The following CDH4 variants were observed in gnomAD, a reference collection of about 807,000 sequenced individuals.
CDH4 encodes the protein cadherin-4.
Under a neutral mutation model 86.0 loss-of-function variants are expected in CDH4, and 33 were observed. That is an observed-to-expected ratio of 0.38 (90% confidence interval 0.29 to 0.51). The LOEUF (loss-of-function observed/expected upper bound fraction) is 0.51, where lower values mean the gene tolerates loss of function less well. Ranked by LOEUF, CDH4 falls within the 20% of genes least tolerant of loss-of-function variation. The probability of loss-of-function intolerance (pLI) is 0.86; values close to 1 mark genes in which losing one functional copy is unlikely to be tolerated. For missense variants in CDH4, 1,114 were observed against 1,307.4 expected (o/e 0.85, Z 2.28); for synonymous variants, 555 against 549.4 (o/e 1.01, Z -0.14).
intron 2 of CDH4, among the ~76,000 whole-genome samples, chr20:61,444,172 G>A (rs2085330007): frequency 6.7e-6 from 1 of 149,796 alleles, no homozygotes; most frequent in African/African-American, 2.5e-5. Flanking sequence ...ATGTGTGTGT[G>A]TCTTTGTGGA....
At chr20:61,778,924 G>C (rs569422776) in intron 4 of CDH4, among the ~76,000 whole-genome samples, 3 of 152,204 alleles carry the variant, frequency 2.0e-5, no homozygotes, top group Non-Finnish European at 4.4e-5. Flanking sequence ...GGGCACTGGG[G>C]CTTCAGGGGA....
chr20:61,391,978 C>T (rs768543611), intron 2 of CDH4, among the ~76,000 whole-genome samples: 75 of 151,990 alleles, frequency 4.9e-4, no homozygotes, highest in Non-Finnish European at 1.0e-3. Context: ...GGGAGAAAGA[C>T]AGCCCCAGTG....
chr20:61,523,343 T>C (rs73150294), intron 2 of CDH4, among the ~76,000 whole-genome samples: 13,282 of 152,350 alleles, frequency 0.087, 695 homozygotes, highest in Non-Finnish European at 0.12. Context: ...CTCTGCTCTC[T>C]TGTCAGGTGA....
intron 2 of CDH4, among the ~76,000 whole-genome samples, chr20:61,490,752 G>A (rs867890906): frequency 8.5e-5 from 13 of 152,064 alleles, no homozygotes; most frequent in East Asian, 1.9e-4. Flanking sequence ...TCGGAGTGAC[G>A]GGGGGCACTC....
chr20:61,667,232 T>C (rs1456331410), intron 2 of CDH4, among the ~76,000 whole-genome samples: 1 of 152,204 alleles, frequency 6.6e-6, no homozygotes, highest in Non-Finnish European at 1.5e-5. Context: ...GAGAGGGTCT[T>C]GGGCAACCAG....
Position 61,254,951 on chromosome 20 carries a change from T to G in CDH4, c.169+14T>G. ...AGCTACTTCAAGGTAAGGCGGGGTG[T>G]GGAGGGGTGGGAGTGAATTGCTGCC... On this transcript the variant is annotated intron_variant, in intron 2 of 15. Transcript: ENST00000614565. The G allele has an allele frequency of 5.4e-5, 78 of 1,440,766 alleles. No homozygotes were observed. The highest frequency in any genetic ancestry group is 1.7e-4 in the Middle Eastern group (1 of 5,740). The allele number at this position is 1,440,766 out of a possible 1,614,324, so 89.2% of individuals were successfully genotyped here. A position where few individuals can be genotyped will look rare whatever the true frequency, so the allele number is the denominator to read the frequency against.
At chr20:61,749,813 C>T (rs547138681) in intron 3 of CDH4, among the ~76,000 whole-genome samples, 58 of 152,280 alleles carry the variant, frequency 3.8e-4, no homozygotes, top group African/African-American at 1.3e-3. Flanking sequence ...GTAATCCCAG[C>T]GCTTTGGGAG....
intron 2 of CDH4, among the ~76,000 whole-genome samples, chr20:61,413,317 T>A (rs1300558286): frequency 1.3e-5 from 2 of 151,968 alleles, no homozygotes; most frequent in African/African-American, 4.8e-5. Flanking sequence ...CCAGCATGGC[T>A]TTTGGCTTTT....
At chr20:61,930,407 C>T (rs2055092700) in intron 13 of CDH4, among the ~76,000 whole-genome samples, 1 of 152,196 alleles carries the variant, frequency 6.6e-6, no homozygotes, top group South Asian at 2.1e-4. Flanking sequence ...GGGGCGGTGC[C>T]AGGGGAGGTG....
At chr20:61,847,244 C>T (rs887759849) in intron 5 of CDH4, among the ~76,000 whole-genome samples, 12 of 152,200 alleles carry the variant, frequency 7.9e-5, no homozygotes, top group East Asian at 1.9e-4. Flanking sequence ...GGCTAGGGGA[C>T]GGGGACCTCC....
rs1347579296 is a variant in CDH4 at position 61,663,740 on chromosome 20, GACGC to G, written c.170-79822_170-79819del. 6.6e-6 allele frequency among the ~76,000 whole-genome samples: 1 copy of G among 152,152 alleles called. No individual in the cohort carries two copies. The highest frequency in any genetic ancestry group is 1.9e-4 in the East Asian group (1 of 5,182). On this transcript the variant is annotated intron_variant, in intron 2 of 15. Coordinates refer to ENST00000614565, the MANE Select transcript of CDH4 (RefSeq NM_001794.5). This position sits in a 1 kb window ranked among gnomAD's most constrained non-coding sequence, Gnocchi z 5.0. ...CGTGCAGAACCAGGCAGGGCTGACA[GACGC>G]GGGGTCGGGGGAAGATCAGGAGCTC...
intron 4 of CDH4, among the ~76,000 whole-genome samples, chr20:61,837,557 TA>T (rs1281578744): frequency 1.3e-5 from 2 of 152,092 alleles, no homozygotes; most frequent in Non-Finnish European, 2.9e-5. Flanking sequence ...AATGGTCCCT[TA>T]AGGAATTCCA....
At chr20:61,819,701 C>T (rs958102449) in intron 4 of CDH4, among the ~76,000 whole-genome samples, 3 of 152,248 alleles carry the variant, frequency 2.0e-5, no homozygotes, top group African/African-American at 7.2e-5. Flanking sequence ...TCTAAGCCCC[C>T]TGCCAGGCTG....
At chr20:61,360,984 C>G (rs1054361273) in intron 2 of CDH4, among the ~76,000 whole-genome samples, 4 of 151,458 alleles carry the variant, frequency 2.6e-5, no homozygotes, top group Non-Finnish European at 5.9e-5. Context: ...CCTGAGAGAA[C>G]GCAGAGAATC....
intron 7 of CDH4, among the ~76,000 whole-genome samples, chr20:61,890,500 G>A (rs1984773236): frequency 6.6e-6 from 1 of 151,784 alleles, no homozygotes; most frequent in Admixed American, 6.6e-5. Context: ...ATGGATGCAT[G>A]GGTGGATGAT....
chr20:61,877,648 G>A (rs542184037), intron 7 of CDH4, among the ~76,000 whole-genome samples: 20 of 152,256 alleles, frequency 1.3e-4, no homozygotes, highest in African/African-American at 3.9e-4. Flanking sequence ...AGGGCTCGTC[G>A]GGAACATAGG....
intron 2 of CDH4, among the ~76,000 whole-genome samples, chr20:61,655,632 G>T (rs559826289): frequency 6.6e-6 from 1 of 152,372 alleles, no homozygotes; most frequent in East Asian, 1.9e-4. Context: ...AAGAAGCTCC[G>T]CTGGCTTTTG....
intron 4 of CDH4, among the ~76,000 whole-genome samples, chr20:61,826,893 C>T (rs570784999): frequency 2.9e-4 from 44 of 151,248 alleles, no homozygotes; most frequent in African/African-American, 4.9e-4. Flanking sequence ...AACCATGATC[C>T]GGGACCAGTA....
chr20:61,480,340 T>G lies in CDH4; in HGVS notation c.169+225403T>G, dbSNP rs556811642. On this transcript the variant is annotated intron_variant, in intron 2 of 15. Transcript: ENST00000614565. This position sits in a 1 kb window ranked among gnomAD's most constrained non-coding sequence, Gnocchi z 5.2. ...TGCTTGGGCCACTGCCCTGTGCCAC[T>G]GCCTCAGCACCATTGTCTGTCTATT... Among the ~76,000 whole-genome samples the G allele has an allele frequency of 6.6e-6, 1 of 152,334 alleles. No individual in the cohort carries two copies. The highest frequency in any genetic ancestry group is 6.5e-5 in the Admixed American group (1 of 15,308).
Sources: allele counts gnomAD v4.1 joint callset (sites outside exome capture counted in the v4.1 genomes callset), GRCh38; gene constraint gnomAD v4.1.1; non-coding constraint Gnocchi (gnomAD v3.1); transcripts MANE v1.5; gene names NCBI Gene and HGNC (gene_info 2026-07-23, HGNC 2026-07-21).